Variants in EXOC4 observed in about 807,000 individuals in gnomAD.
EXOC4 encodes SEC8-like 1.
EXOC4 carries 71 observed loss-of-function variants against 107.2 expected under a neutral mutation model. The ratio of observed to expected loss-of-function variants is 0.66; its 90% CI spans 0.55 to 0.81. The LOEUF is 0.81. EXOC4 is among the 30% of genes least tolerant of loss of function. The pLI is 0.00. For missense variants in EXOC4, 1,108 were observed against 1,189.6 expected, an observed-to-expected ratio of 0.93 and a Z score of 1.01; for synonymous variants, 456 against 441.2, an observed-to-expected ratio of 1.03 and a Z score of -0.42.
chr7:133,905,852 G>A (rs1439736269), intron 12 of EXOC4, among the ~76,000 whole-genome samples: 1 of 152,126 alleles, frequency 6.6e-6, no homozygotes, highest in Non-Finnish European at 1.5e-5. Flanking sequence ...GGAGAAGCCT[G>A]CACTCGCTGA....
At chr7:133,905,733 G>T (rs1426247249) in intron 12 of EXOC4, among the ~76,000 whole-genome samples, 1 of 152,106 alleles carries the variant, frequency 6.6e-6, no homozygotes, top group African/African-American at 2.4e-5. Flanking sequence ...TAGAGGCTCA[G>T]TTGGTTTGAG....
chr7:133,664,948 A>G (rs1194848899), intron 10 of EXOC4, among the ~76,000 whole-genome samples: 2 of 152,238 alleles, frequency 1.3e-5, no homozygotes, highest in Non-Finnish European at 2.9e-5. Context: ...TTTGTTTTGT[A>G]AGTACATGCA....
At chr7:133,586,030 A>G (rs1801395592) in intron 9 of EXOC4, among the ~76,000 whole-genome samples, 1 of 152,170 alleles carries the variant, frequency 6.6e-6, no homozygotes, top group South Asian at 2.1e-4. Flanking sequence ...GGTAAGTGCT[A>G]AGGAGAAAAA....
intron 14 of EXOC4, among the ~76,000 whole-genome samples, chr7:133,948,970 G>A (rs1197631947): frequency 6.6e-6 from 1 of 152,208 alleles, no homozygotes; most frequent in South Asian, 2.1e-4. Flanking sequence ...CTGTTGTTCA[G>A]CTATCTCCCA....
At chr7:133,433,261 C>T (rs1797894913) in intron 7 of EXOC4, among the ~76,000 whole-genome samples, 1 of 152,176 alleles carries the variant, frequency 6.6e-6, no homozygotes. Flanking sequence ...CCCAATAGCC[C>T]CCCACCCAAC....
intron 14 of EXOC4, among the ~76,000 whole-genome samples, chr7:133,972,287 C>T (rs747235567): frequency 1.3e-5 from 2 of 152,094 alleles, no homozygotes; most frequent in Non-Finnish European, 2.9e-5. Flanking sequence ...CATTATTTTC[C>T]ATTTTTTCAA....
chr7:133,994,455 C>T lies in EXOC4; in HGVS notation c.2207-3037C>T, dbSNP rs984231732. ...ATAGGTGCAGCAAACCACAATGGCGCCTGAATAACTGTGAAACAAACCTGC... is the reference window on the plus strand; with the variant it reads ...ATAGGTGCAGCAAACCACAATGGCGTCTGAATAACTGTGAAACAAACCTGC... On this transcript the variant is annotated intron_variant, in intron 14 of 17. Transcript: ENST00000253861. Among the ~76,000 whole-genome samples, 24 of 152,170 alleles carry T rather than the reference C, an allele frequency of 1.6e-4. No individual in the cohort carries two copies. In the South Asian group the frequency reaches 4.8e-3, roughly 30 times the overall value.
intron 10 of EXOC4, among the ~76,000 whole-genome samples, chr7:133,685,724 AT>A (rs746710409): frequency 2.0e-5 from 3 of 152,302 alleles, no homozygotes; most frequent in Non-Finnish European, 4.4e-5. Flanking sequence ...AAAAATGAAA[AT>A]GTTAAATATT....
chr7:133,500,041 T>C (rs113799154), intron 9 of EXOC4, among the ~76,000 whole-genome samples: 3 of 152,238 alleles, frequency 2.0e-5, no homozygotes, highest in African/African-American at 7.2e-5. Flanking sequence ...TACTTGATTA[T>C]AGTCACAAAA....
At chr7:133,818,070 T>C (rs915760369) in intron 11 of EXOC4, among the ~76,000 whole-genome samples, 13 of 152,176 alleles carry the variant, frequency 8.5e-5, no homozygotes, top group African/African-American at 3.1e-4. Context: ...AATTTTACTT[T>C]ATATAAAAAA....
At chr7:133,358,997 A>G (rs1354836175) in intron 6 of EXOC4, among the ~76,000 whole-genome samples, 2 of 152,242 alleles carry the variant, frequency 1.3e-5, no homozygotes, top group African/African-American at 4.8e-5. Context: ...GGACACTAAC[A>G]AGTGAATGAG....
chr7:133,742,029 CTGT>C (rs1030837399), intron 10 of EXOC4, among the ~76,000 whole-genome samples: 10 of 152,176 alleles, frequency 6.6e-5, no homozygotes, highest in African/African-American at 1.7e-4. Context: ...AGTGAATGTG[CTGT>C]TGTTGTTATT....
chr7:133,330,429 T>C (rs1343010016), intron 5 of EXOC4, among the ~76,000 whole-genome samples: 1 of 151,548 alleles, frequency 6.6e-6, no homozygotes. Context: ...TCCAGGGGAG[T>C]GAACGGTTCT....
chr7:133,688,435 G>A (rs1159461827), intron 10 of EXOC4, among the ~76,000 whole-genome samples: 7 of 152,224 alleles, frequency 4.6e-5, no homozygotes, highest in Non-Finnish European at 2.9e-5. Context: ...GTGGATTAGC[G>A]ATTTTACTTT....
At chr7:133,803,919 G>A (rs1797008570) in intron 10 of EXOC4, among the ~76,000 whole-genome samples, 1 of 152,156 alleles carries the variant, frequency 6.6e-6, no homozygotes, top group Non-Finnish European at 1.5e-5. Flanking sequence ...CTGTAGGAAT[G>A]GAATGGTAGC....
chr7:133,538,911 A>C (rs1266876659), intron 9 of EXOC4, among the ~76,000 whole-genome samples: 2 of 147,146 alleles, frequency 1.4e-5, no homozygotes, highest in South Asian at 2.2e-4. Flanking sequence ...GAAGGAAGGA[A>C]GGAGGGAAGG....
chr7:133,549,115 T>C (rs947152027), intron 9 of EXOC4, among the ~76,000 whole-genome samples: 5 of 152,338 alleles, frequency 3.3e-5, no homozygotes, highest in African/African-American at 1.2e-4. Flanking sequence ...TTGATTCTCA[T>C]GCGTCAGCCT....
At chr7:133,824,795 G>C (rs6970060) in intron 11 of EXOC4, among the ~76,000 whole-genome samples, 6,058 of 152,070 alleles carry the variant, frequency 0.04, 423 homozygotes, top group African/African-American at 0.14. Context: ...GCGTTCTCCC[G>C]TGTGTCTCCT....
chr7:133,295,670 T>G (rs1794503156), intron 3 of EXOC4, among the ~76,000 whole-genome samples: 1 of 152,180 alleles, frequency 6.6e-6, no homozygotes, highest in Non-Finnish European at 1.5e-5. Flanking sequence ...CTTCTATTTG[T>G]GTCAGTAAAG....
Sources: gnomAD v4.1 joint callset for allele counts (sites outside exome capture counted in the v4.1 genomes callset) on GRCh38, gnomAD v4.1.1 for gene constraint, MANE v1.5 for transcripts, NCBI Gene and HGNC (gene_info 2026-07-23, HGNC 2026-07-21) for gene names.